ZBTB20: variants seen among roughly 807,000 people sequenced by gnomAD.
ZBTB20 encodes zinc finger and BTB domain containing 20.
A neutral mutation model predicts 56.9 loss-of-function variants in ZBTB20; 9 were observed. The ratio of observed to expected loss-of-function variants is 0.16; its 90% CI spans 0.10 to 0.28. The LOEUF (loss-of-function observed/expected upper bound fraction) is 0.28. ZBTB20 is among the 10% of genes least tolerant of loss of function. The probability of loss-of-function intolerance (pLI) is 1.00; values close to 1 mark genes in which losing one functional copy is unlikely to be tolerated. For missense variants in ZBTB20, 655 were observed against 1,003.0 expected, an observed-to-expected ratio of 0.65 and a Z score of 4.69; for synonymous variants, 417 against 420.7, an observed-to-expected ratio of 0.99 and a Z score of 0.11.
At chr3:114,539,096 T>G (rs2048815119) in intron 6 of ZBTB20, among the ~76,000 whole-genome samples, 1 of 152,162 alleles carries the variant, frequency 6.6e-6, no homozygotes, top group Admixed American at 6.6e-5. Flanking sequence ...CTCCTTCTTT[T>G]TCATCCTGTC....
chr3:114,454,894 T>C (rs1410539245), intron 7 of ZBTB20: 2 of 149,520 alleles, frequency 1.3e-5, no homozygotes, highest in Non-Finnish European at 3.0e-5. Context: ...AATCTCCGAG[T>C]GCCATTCTGC....
chr3:114,476,310 A>C (rs1391180504), intron 7 of ZBTB20, among the ~76,000 whole-genome samples: 1 of 152,250 alleles, frequency 6.6e-6, no homozygotes, highest in African/African-American at 2.4e-5. Context: ...CTGTTGAAGC[A>C]GAGTGAGGAA....
At chr3:114,919,704 C>CAA (rs974195153) in intron 3 of ZBTB20, among the ~76,000 whole-genome samples, 27 of 125,808 alleles carry the variant, frequency 2.1e-4, no homozygotes, top group African/African-American at 7.0e-4. Context: ...GACTCCATCT[C>CAA]AAAAAAAAAA....
chr3:114,447,124 C>T (rs552898370), intron 7 of ZBTB20, among the ~76,000 whole-genome samples: 4 of 152,238 alleles, frequency 2.6e-5, no homozygotes, highest in African/African-American at 9.6e-5. Flanking sequence ...GCTCTTCCCC[C>T]ATTAAAACAG....
At chr3:114,769,318 C>T (rs2069007104) in intron 5 of ZBTB20, among the ~76,000 whole-genome samples, 2 of 151,488 alleles carry the variant, frequency 1.3e-5, no homozygotes, top group Admixed American at 1.3e-4. Context: ...TGGAGCCAAC[C>T]CAAATGCCCA....
chr3:114,622,624 A>C (rs1466059826), intron 6 of ZBTB20, among the ~76,000 whole-genome samples: 2 of 152,188 alleles, frequency 1.3e-5, no homozygotes, highest in Non-Finnish European at 2.9e-5. Context: ...AGCATGTATG[A>C]GTTCTGTGGT....
At chr3:115,111,431 G>A (rs561240508) in intron 1 of ZBTB20, among the ~76,000 whole-genome samples, 6 of 152,100 alleles carry the variant, frequency 3.9e-5, no homozygotes, top group South Asian at 2.1e-4. Context: ...GGTCACAAAC[G>A]GAAATAAACT....
intron 7 of ZBTB20, among the ~76,000 whole-genome samples, chr3:114,492,393 C>T (rs547976040): frequency 7.9e-5 from 12 of 152,304 alleles, no homozygotes; most frequent in African/African-American, 2.9e-4. Context: ...TCCAGTCCTC[C>T]TTTGGTGTTT....
intron 6 of ZBTB20, among the ~76,000 whole-genome samples, chr3:114,567,514 C>T (rs562809091): frequency 1.3e-5 from 2 of 152,310 alleles, no homozygotes; most frequent in Non-Finnish European, 2.9e-5. Flanking sequence ...GGCTTTTACA[C>T]ATGCATCTAT....
At chr3:114,683,252 T>C (rs1486376503) in intron 6 of ZBTB20, among the ~76,000 whole-genome samples, 1 of 152,118 alleles carries the variant, frequency 6.6e-6, no homozygotes, top group African/African-American at 2.4e-5. Flanking sequence ...CCAGAAAAAA[T>C]CTTTACATAT....
intron 6 of ZBTB20, chr3:114,582,308 C>A (rs910420542): frequency 3.3e-5 from 5 of 151,898 alleles, no homozygotes; most frequent in Admixed American, 3.3e-4. Flanking sequence ...AACAAATGTT[C>A]CAAATTATTA....
At chr3:115,096,688 G>C (rs1388966935) in intron 1 of ZBTB20, among the ~76,000 whole-genome samples, 2 of 152,204 alleles carry the variant, frequency 1.3e-5, no homozygotes, top group Non-Finnish European at 2.9e-5. Context: ...CTCAGGGCCT[G>C]AATTTGGCTT....
intron 1 of ZBTB20, among the ~76,000 whole-genome samples, chr3:115,127,042 T>C (rs559263603): frequency 6.6e-6 from 1 of 152,344 alleles, no homozygotes; most frequent in East Asian, 1.9e-4. Flanking sequence ...GGAGTCTTGT[T>C]AAAATGAATA....
intron 6 of ZBTB20, among the ~76,000 whole-genome samples, chr3:114,686,520 T>A (rs962431531): frequency 6.6e-6 from 1 of 152,196 alleles, no homozygotes; most frequent in African/African-American, 2.4e-5. Context: ...TTCTCTAATT[T>A]TATTTTTTAA....
intron 5 of ZBTB20, among the ~76,000 whole-genome samples, chr3:114,757,262 A>G (rs908154833): frequency 6.6e-6 from 1 of 152,188 alleles, no homozygotes; most frequent in African/African-American, 2.4e-5. Context: ...ATTATGCTTA[A>G]CTTTCTATAG....
At chr3:114,814,084 A>G (rs1013435954) in intron 4 of ZBTB20, among the ~76,000 whole-genome samples, 2 of 151,946 alleles carry the variant, frequency 1.3e-5, no homozygotes, top group East Asian at 1.9e-4. Context: ...TTTTCTTAGT[A>G]TAAGCATTGT....
At chr3:114,898,975 C>T (rs1417431513) in intron 4 of ZBTB20, among the ~76,000 whole-genome samples, 1 of 151,858 alleles carries the variant, frequency 6.6e-6, no homozygotes, top group Non-Finnish European at 1.5e-5. Context: ...TAGAACTTTA[C>T]CTATTAGTAA....
chr3:115,025,227 A>C (rs2080372035), intron 2 of ZBTB20, among the ~76,000 whole-genome samples: 1 of 151,438 alleles, frequency 6.6e-6, no homozygotes, highest in Non-Finnish European at 1.5e-5. Flanking sequence ...TAGTTCGCTA[A>C]GGCTAACGGC....
At chr3:114,589,051 G>A (rs542954582) in intron 6 of ZBTB20, among the ~76,000 whole-genome samples, 1 of 152,088 alleles carries the variant, frequency 6.6e-6, no homozygotes, top group Non-Finnish European at 1.5e-5. Flanking sequence ...GAAAATCATG[G>A]GAGTAACTGC....
Sources: allele counts gnomAD v4.1 joint callset (sites outside exome capture counted in the v4.1 genomes callset), GRCh38; gene constraint gnomAD v4.1.1; transcripts MANE v1.5; gene names NCBI Gene and HGNC (gene_info 2026-07-23, HGNC 2026-07-21).